The following ZNF695 variants were observed in gnomAD, a reference collection of about 807,000 sequenced individuals.
ZNF695 encodes zinc finger protein 695.
In ZNF695, 11 loss-of-function variants were observed where a neutral mutation model predicts 11.2. The ratio of observed to expected loss-of-function variants is 0.98; its 90% confidence interval spans 0.62 to 1.62. ZNF695 has a LOEUF of 1.62. Among genes scored for constraint, ZNF695 ranks in the 40% most tolerant of loss-of-function variants. The pLI, the probability that ZNF695 is intolerant of heterozygous loss-of-function variation, is 0.00. For missense variants in ZNF695, 559 were observed against 590.5 expected (o/e 0.95, Z 0.55); for synonymous variants, 190 against 201.4 (o/e 0.94, Z 0.48).
intron 5 of ZNF695, among the ~76,000 whole-genome samples, chr1:246,946,445 C>A (rs945147832): frequency 6.6e-6 from 1 of 152,218 alleles, no homozygotes; most frequent in African/African-American, 2.4e-5. Flanking sequence ...AATTTTCATA[C>A]CCTCTCGGAC....
intron 5 of ZNF695, among the ~76,000 whole-genome samples, chr1:246,966,560 G>A (rs1250929832): frequency 6.6e-6 from 1 of 152,188 alleles, no homozygotes. Context: ...TGAGGCAGGA[G>A]GATCACTTGT....
At chr1:246,953,796 G>A (rs1485453286) in intron 5 of ZNF695, among the ~76,000 whole-genome samples, 1 of 149,236 alleles carries the variant, frequency 6.7e-6, no homozygotes, top group East Asian at 2.0e-4. Context: ...CATAGTGGCA[G>A]GCACCTGTAA....
chr1:246,945,994 A>G (rs41267541), intron 5 of ZNF695, among the ~76,000 whole-genome samples: 44,603 of 151,882 alleles, frequency 0.29, 6,735 homozygotes, highest in African/African-American at 0.36. Flanking sequence ...CACTGCGCCC[A>G]GCCTCTGAGA....
downstream of ZNF695, among the ~76,000 whole-genome samples, chr1:246,981,310 C>A (rs1424337605): frequency 6.6e-6 from 1 of 152,124 alleles, no homozygotes; most frequent in Non-Finnish European, 1.5e-5. Flanking sequence ...CTGCCAAAAA[C>A]AGTATGATGA....
intron 1 of ZNF695, among the ~76,000 whole-genome samples, chr1:247,005,155 T>C (rs1381018092): frequency 6.6e-6 from 1 of 152,058 alleles, no homozygotes; most frequent in Non-Finnish European, 1.5e-5. Flanking sequence ...AGGAAAAAAC[T>C]GGAAGAATTA....
chr1:247,001,510 G>A (rs1669381482), intron 1 of ZNF695, among the ~76,000 whole-genome samples: 1 of 151,742 alleles, frequency 6.6e-6, no homozygotes, highest in Non-Finnish European at 1.5e-5. Context: ...TCAGGAGTTT[G>A]AGACCAGCCT....
chr1:246,988,125 A>T lies in ZNF695; in HGVS notation c.390T>A (p.Ile130=). 1 of 1,613,804 alleles carries T rather than the reference A, an allele frequency of 6.2e-7. No homozygotes were observed. The highest frequency in any genetic ancestry group is 8.5e-7 in the Non-Finnish European group (1 of 1,179,842). Residue 130 remains isoleucine (I), a synonymous_variant, in exon 4 of 4, where the codon ATT becomes ATA. Transcript: ENST00000339986. The part of the protein sequence containing the change: ...EKLRLRNDWE[I]VGEWKGQKAS... ...CCTTCTGCCCTTTCCACTCACCCAC[A>T]ATTTCCCAGTCATTCCTTAAGCGTA... is the stretch of plus-strand genomic sequence containing the variant.
chr1:247,006,289 T>C lies in ZNF695; in HGVS notation c.3+1617A>G, dbSNP rs181450391. Among the ~76,000 whole-genome samples, 24 of 149,188 alleles carry C rather than the reference T, an allele frequency of 1.6e-4. No individual in the cohort carries two copies. In the East Asian group the frequency reaches 4.8e-3, roughly 30 times the overall value. The stretch of plus-strand genomic sequence containing the variant: ...TGTGAAAAAAACAAAAAAGAACCGT[T>C]AAAATCTTGCATCTGTTTGAAAAGC... On this transcript the variant is annotated intron_variant, in intron 1 of 3. Transcript: ENST00000339986.
intron 4 of ZNF695, among the ~76,000 whole-genome samples, chr1:246,974,985 CT>C (rs774493853): frequency 6.6e-6 from 1 of 152,198 alleles, no homozygotes; most frequent in Non-Finnish European, 1.5e-5. Context: ...TCCATTATTA[CT>C]TCCTCAGAGA....
At position 247,007,932 on chromosome 1, in the gene ZNF695, C is replaced by A. The variant is rs1226311344; in HGVS notation, c.-24G>T. The A allele has an allele frequency of 1.3e-6, 2 of 1,520,360 alleles. No individual in the cohort carries two copies. Among genetic ancestry groups the A allele is most frequent in the Non-Finnish European group, 8.9e-7 (1 of 1,126,200 alleles). 94.2% of individuals were successfully genotyped at this position (1,520,360 alleles called of 1,614,324 possible). ...ATTTCCCAGCTTTTGGGGGTCCCAG[C>A]GTCCTCCCTATAAATCTCGCAATAC... On this transcript the variant is annotated 5_prime_UTR_variant, in exon 1 of 4. Transcript: ENST00000339986.
At chr1:246,947,171 G>T (rs1667758615) in intron 5 of ZNF695, among the ~76,000 whole-genome samples, 1 of 145,748 alleles carries the variant, frequency 6.9e-6, no homozygotes, top group Non-Finnish European at 1.5e-5. Context: ...AGAGTAAATG[G>T]GGTGATAGGG....
At chr1:246,966,999 C>G (rs745921482) in intron 5 of ZNF695, 1 of 387,624 alleles carries the variant, frequency 2.6e-6, no homozygotes. Context: ...AGTGCAATGG[C>G]GCAATCTTGG....
chr1:246,976,923 A>ATTCTC (rs1668583077), intron 4 of ZNF695, among the ~76,000 whole-genome samples: 5 of 152,238 alleles, frequency 3.3e-5, no homozygotes, highest in African/African-American at 1.2e-4. Flanking sequence ...CAGAATGAGA[A>ATTCTC]GCAGCTACTT....
downstream of ZNF695, among the ~76,000 whole-genome samples, chr1:246,982,574 C>T (rs1381284783): frequency 6.6e-6 from 1 of 152,200 alleles, no homozygotes; most frequent in Non-Finnish European, 1.5e-5. Context: ...ACATTCACCA[C>T]ACTTTGTGTC....
intron 5 of ZNF695, among the ~76,000 whole-genome samples, chr1:246,950,241 T>C (rs750414732): frequency 6.6e-6 from 1 of 152,224 alleles, no homozygotes; most frequent in Non-Finnish European, 1.5e-5. Context: ...TGTGTGCTTA[T>C]GACCAAGGAC....
chr1:246,950,679 C>A (rs113822298), intron 5 of ZNF695, among the ~76,000 whole-genome samples: 6,943 of 132,174 alleles, frequency 0.053, 674 homozygotes, highest in African/African-American at 0.18. Flanking sequence ...AAAAAAAAAT[C>A]CACCCAATAT....
At chr1:246,974,470 T>C (rs999125936) in intron 4 of ZNF695, among the ~76,000 whole-genome samples, 4 of 152,176 alleles carry the variant, frequency 2.6e-5, no homozygotes, top group Non-Finnish European at 5.9e-5. Context: ...AGAAGAGTTC[T>C]AGAGATTTGT....
At position 246,976,622 on chromosome 1, in the gene ZNF695, G is replaced by A. The variant is rs538973436; in HGVS notation, c.391-8830C>T. On this transcript the variant is annotated intron_variant, in intron 4 of 5. Transcript: ENST00000487338. ...ATCCTGGCTAACACGGTGAAACCCCGTCTCTACTAAAAATACAAAAAATTA... is the reference window on the plus strand; with the variant it reads ...ATCCTGGCTAACACGGTGAAACCCCATCTCTACTAAAAATACAAAAAATTA... 1.7e-3 allele frequency among the ~76,000 whole-genome samples: 253 copies of A among 151,550 alleles called. 1 individual carries two copies. Among genetic ancestry groups the A allele is most frequent in the African/African-American group, 4.2e-3 (172 of 41,264 alleles).
intron 1 of ZNF695, among the ~76,000 whole-genome samples, chr1:247,006,224 C>G (rs1300634361): frequency 1.9e-5 from 1 of 51,836 alleles, no homozygotes; most frequent in Non-Finnish European, 3.9e-5. Context: ...GACTCTGTCT[C>G]AAAAAAAAAA....
Sources: allele counts gnomAD v4.1 joint callset (sites outside exome capture counted in the v4.1 genomes callset), GRCh38; gene constraint gnomAD v4.1.1; transcripts MANE v1.5; gene names NCBI Gene and HGNC (gene_info 2026-07-23, HGNC 2026-07-21).